The following MAPK14 variants were observed in gnomAD, a reference collection of about 807,000 sequenced individuals.
MAPK14 encodes the protein mitogen-activated protein kinase 14, also known as CSAID-binding protein.
MAPK14 carries 16 observed loss-of-function variants against 49.6 expected under a neutral mutation model. That is an observed-to-expected ratio of 0.32 (90% CI 0.22 to 0.49). The LOEUF is 0.49. Among genes scored for constraint, MAPK14 ranks in the 20% least tolerant of loss-of-function variants. The pLI is 0.99. For missense variants in MAPK14, 200 were observed against 441.2 expected, an observed-to-expected ratio of 0.45 and a Z score of 4.90; for synonymous variants, 142 against 158.0, an observed-to-expected ratio of 0.90 and a Z score of 0.76.
At chr6:36,111,668 G>A (rs1044856767), downstream of MAPK14, among the ~76,000 whole-genome samples, 7 of 152,276 alleles carry the variant, frequency 4.6e-5, no homozygotes, top group South Asian at 1.2e-3. Context: ...GGACTTTGCT[G>A]ATGTGCTTCC....
intron 9 of MAPK14, among the ~76,000 whole-genome samples, chr6:36,099,508 G>A (rs1316628286): frequency 6.6e-6 from 1 of 152,194 alleles, no homozygotes; most frequent in Non-Finnish European, 1.5e-5. Context: ...GAGACTTGTG[G>A]AGGAAATCAT....
At chr6:36,102,452 A>T (rs1765668793) in intron 9 of MAPK14, 119 bp from the exon 10 acceptor site, 8 of 724,014 alleles carry the variant, frequency 1.1e-5, no homozygotes, top group Non-Finnish European at 1.7e-5. Flanking sequence ...GACAGTTAGA[A>T]ACACTGAAGT....
rs1762368650 is a variant in MAPK14, at chr6:36,027,916, A to G, written c.-242A>G. The G allele has an allele frequency of 2.4e-6, 1 of 415,044 alleles. No individual in the cohort carries two copies. Among genetic ancestry groups the G allele is most frequent in the Non-Finnish European group, 4.2e-6 (1 of 237,974 alleles). 25.7% of individuals were successfully genotyped at this position (415,044 alleles called of 1,614,324 possible). A position where few individuals can be genotyped will look rare whatever the true frequency, so the allele number is the denominator to read the frequency against. ...GGAGATCGCGGCGGGCGCAGTCTTG[A>G]GCGCCGGAGCGCGTCCCTGCCCTTA... On this transcript the variant is annotated 5_prime_UTR_variant, in exon 1 of 12. Coordinates refer to ENST00000229794, the MANE Select transcript of MAPK14 (RefSeq NM_139012.3).
chr6:36,080,124 G>A (rs147271187), intron 8 of MAPK14, among the ~76,000 whole-genome samples: 2,411 of 152,028 alleles, frequency 0.016, 59 homozygotes, highest in African/African-American at 0.056. Context: ...TTTTAGTAGA[G>A]ACAGGGTTTC....
the MAPK14 span, among the ~76,000 whole-genome samples, chr6:36,124,170 T>TCCTTCCTTCCTTCCTTCCTG: frequency 8.0e-6 from 1 of 125,724 alleles, no homozygotes; most frequent in Non-Finnish European, 1.7e-5. Flanking sequence ...CTTCCTTCCT[T>TCCTTCCTTCCTTCCTTCCTG]CCTTCCTGCC....
chr6:36,114,617 T>TAA (rs376202964), downstream of MAPK14, among the ~76,000 whole-genome samples: 7 of 132,336 alleles, frequency 5.3e-5, no homozygotes, highest in East Asian at 4.2e-4. Context: ...GAACTCTGTT[T>TAA]AAAAAAAAAA....
rs183878532 is a variant in MAPK14 at position 36,050,829 on chromosome 6, G to A, written c.117-1870G>A. Reference sequence around the variant, plus strand: ...ATGGCAGGGCTATAAGAGAAGCAGTGTCTTCTAGAAATGGCCTAGTTTCAG... The same window carrying A: ...ATGGCAGGGCTATAAGAGAAGCAGTATCTTCTAGAAATGGCCTAGTTTCAG... On this transcript the variant is annotated intron_variant, in intron 1 of 11. Coordinates refer to ENST00000229794, the MANE Select transcript of MAPK14 (RefSeq NM_139012.3). Among the ~76,000 whole-genome samples the A allele has an allele frequency of 4.3e-4, 66 of 152,302 alleles. No homozygotes were observed. The East Asian group carries it at 0.013, about 29-fold the overall frequency.
chr6:36,052,629 T>A, intron 1 of MAPK14, 70 bp from the exon 2 acceptor site: 2 of 1,443,264 alleles, frequency 1.4e-6, no homozygotes, highest in Non-Finnish European at 1.9e-6. Flanking sequence ...GGAAATAGCC[T>A]TATAAATACC....
intron 8 of MAPK14, among the ~76,000 whole-genome samples, chr6:36,080,598 A>G (rs1217794409): frequency 6.6e-6 from 1 of 152,168 alleles, no homozygotes; most frequent in Non-Finnish European, 1.5e-5. Context: ...TTCATCTGTT[A>G]GTAGACAGTT....
At chr6:36,073,517 G>A (rs529828851) in intron 4 of MAPK14, among the ~76,000 whole-genome samples, 174 bp from the exon 5 acceptor site, 1 of 152,300 alleles carries the variant, frequency 6.6e-6, no homozygotes, top group East Asian at 1.9e-4. Flanking sequence ...GTCAATGGCT[G>A]TGGAAATTAT....
At chr6:36,094,352 A>G (rs1228588828) in intron 8 of MAPK14, among the ~76,000 whole-genome samples, 2 of 152,250 alleles carry the variant, frequency 1.3e-5, no homozygotes, top group Non-Finnish European at 2.9e-5. Flanking sequence ...CTTGGGAACC[A>G]TATGGTAACT....
intron 2 of MAPK14, among the ~76,000 whole-genome samples, chr6:36,053,066 A>T (rs1763464254): frequency 6.6e-6 from 1 of 151,936 alleles, no homozygotes; most frequent in Admixed American, 6.6e-5. Flanking sequence ...ACTCTTTAAA[A>T]TTTTAAAATT....
chr6:36,124,117 CTCCTCCCTCCCT>C, the MAPK14 span, among the ~76,000 whole-genome samples: 1 of 46,268 alleles, frequency 2.2e-5, no homozygotes, highest in African/African-American at 6.2e-5. Flanking sequence ...CTCTCTCTCT[CTCCTCCCTCCCT>C]CCCTCCCTCC....
At chr6:36,081,589 A>G (rs1182683307) in intron 8 of MAPK14, among the ~76,000 whole-genome samples, 3 of 152,068 alleles carry the variant, frequency 2.0e-5, no homozygotes, top group South Asian at 2.1e-4. Context: ...GTTCTATTCT[A>G]TTGGTTTATA....
rs938761659 is a variant in MAPK14 at position 36,110,271 on chromosome 6, C to G, written c.*1824C>G. 9.2e-5 allele frequency: 14 copies of G among 152,492 alleles called. No homozygotes were observed. The highest frequency in any genetic ancestry group is 3.1e-4 in the African/African-American group (13 of 41,442). 9.4% of individuals were successfully genotyped at this position (152,492 alleles called of 1,614,324 possible). A position where few individuals can be genotyped will look rare whatever the true frequency, so the allele number is the denominator to read the frequency against. On this transcript the variant is annotated 3_prime_UTR_variant, in exon 12 of 12. Transcript: ENST00000229794. ...TACTCCAGAGGGACAGGGTGGACCCCCTGAGTCAACTGGAGCAAGAAGGAA... is the reference window on the plus strand; with the variant it reads ...TACTCCAGAGGGACAGGGTGGACCCGCTGAGTCAACTGGAGCAAGAAGGAA...
At chr6:36,030,915 A>G (rs552150546) in intron 1 of MAPK14, among the ~76,000 whole-genome samples, 1 of 152,358 alleles carries the variant, frequency 6.6e-6, no homozygotes, top group Non-Finnish European at 1.5e-5. Flanking sequence ...TTGTATGACA[A>G]TTGACAATAA....
intron 1 of MAPK14, among the ~76,000 whole-genome samples, chr6:36,037,509 A>G (rs944300502): frequency 1.3e-5 from 2 of 152,168 alleles, no homozygotes; most frequent in Non-Finnish European, 2.9e-5. Context: ...TTTGTGTTAC[A>G]AAGTTACAAA....
intron 8 of MAPK14, among the ~76,000 whole-genome samples, chr6:36,088,223 A>C (rs1227664362): frequency 1.3e-5 from 2 of 152,200 alleles, no homozygotes; most frequent in Non-Finnish European, 2.9e-5. Context: ...ATGGGCAAAA[A>C]TTTCATGATG....
chr6:36,038,366 GC>G (rs1462731806), intron 1 of MAPK14, among the ~76,000 whole-genome samples: 1 of 152,150 alleles, frequency 6.6e-6, no homozygotes, highest in Non-Finnish European at 1.5e-5. Flanking sequence ...TGAACCAGGG[GC>G]CAAATATAGG....
Sources: allele counts gnomAD v4.1 joint callset (sites outside exome capture counted in the v4.1 genomes callset), GRCh38; gene constraint gnomAD v4.1.1; transcripts MANE v1.5; gene names NCBI Gene and HGNC (gene_info 2026-07-23, HGNC 2026-07-21).